The following ROBO1 variants were observed in gnomAD, a reference collection of about 807,000 sequenced individuals.
ROBO1 encodes roundabout guidance receptor 1.
In ROBO1, 149 loss-of-function variants were observed where a neutral mutation model predicts 195.9. The ratio of observed to expected loss-of-function variants is 0.76; its 90% CI spans 0.67 to 0.87. ROBO1 has a LOEUF of 0.87. Among genes scored for constraint, ROBO1 ranks in the 40% least tolerant of loss-of-function variants. The pLI, the probability that ROBO1 is intolerant of heterozygous loss-of-function variation, is 0.00. For missense variants in ROBO1, 1,933 were observed against 2,068.3 expected, an observed-to-expected ratio of 0.93 and a Z score of 1.27; for synonymous variants, 816 against 733.2, an observed-to-expected ratio of 1.11 and a Z score of -1.82.
At chr3:79,469,067 ACAGCT>A (rs1938125843) in intron 2 of ROBO1, among the ~76,000 whole-genome samples, 1 of 152,194 alleles carries the variant, frequency 6.6e-6, no homozygotes, top group African/African-American at 2.4e-5. Flanking sequence ...GGAAGGTAAA[ACAGCT>A]CAGTGAATGT....
At chr3:79,375,763 G>C (rs2036360811) in intron 2 of ROBO1, among the ~76,000 whole-genome samples, 1 of 152,214 alleles carries the variant, frequency 6.6e-6, no homozygotes, top group Non-Finnish European at 1.5e-5. Flanking sequence ...ATTTTGAAGA[G>C]TAGGAAACAA....
In ROBO1 at chr3:79,320,059, G is replaced by C. The variant is rs555374462; in HGVS notation, c.89-194520C>G. Reference sequence around the variant, plus strand: ...ATATGTAATGTCTTAATCAGTTTAGGCATCTATAACAAAGTACCATAGACC... The same window carrying C: ...ATATGTAATGTCTTAATCAGTTTAGCCATCTATAACAAAGTACCATAGACC... On this transcript the variant is annotated intron_variant, in intron 2 of 30. Transcript: ENST00000464233. Among the ~76,000 whole-genome samples the C allele has an allele frequency of 1.4e-4, 21 of 152,234 alleles. No individual in the cohort carries two copies. In the South Asian group the frequency reaches 3.9e-3, roughly 29 times the overall value.
chr3:78,964,090 C>A (rs990526197), intron 3 of ROBO1, among the ~76,000 whole-genome samples: 3 of 152,096 alleles, frequency 2.0e-5, no homozygotes, highest in Non-Finnish European at 4.4e-5. Flanking sequence ...AGTTCCCCGG[C>A]GGCTGCTGCA....
intron 2 of ROBO1, among the ~76,000 whole-genome samples, chr3:79,168,136 T>C (rs2081100703): frequency 1.3e-5 from 2 of 152,160 alleles, no homozygotes; most frequent in Non-Finnish European, 2.9e-5. Context: ...ACAGTATTCT[T>C]TAGATTTGCT....
chr3:79,228,397 T>C (rs2082264012), intron 2 of ROBO1, among the ~76,000 whole-genome samples: 1 of 152,164 alleles, frequency 6.6e-6, no homozygotes, highest in Non-Finnish European at 1.5e-5. Flanking sequence ...TTGTGATTAA[T>C]GTAAATGTGA....
intron 1 of ROBO1, among the ~76,000 whole-genome samples, chr3:79,742,021 G>A (rs1307322668): frequency 6.6e-6 from 1 of 152,136 alleles, no homozygotes; most frequent in Non-Finnish European, 1.5e-5. Flanking sequence ...AACAGCATAT[G>A]GTCATATGTG....
chr3:79,237,840 T>C (rs968773572), intron 2 of ROBO1, among the ~76,000 whole-genome samples: 3 of 152,188 alleles, frequency 2.0e-5, no homozygotes, highest in African/African-American at 7.2e-5. Flanking sequence ...TCAGTCATGG[T>C]CACACCATGA....
chr3:79,398,088 T>C (rs2037219629), intron 2 of ROBO1, among the ~76,000 whole-genome samples: 1 of 152,174 alleles, frequency 6.6e-6, no homozygotes, highest in African/African-American at 2.4e-5. Flanking sequence ...AAAACAAGAT[T>C]TTTAAAACTT....
intron 4 of ROBO1, among the ~76,000 whole-genome samples, chr3:78,849,484 C>T (rs927943674): frequency 6.6e-6 from 1 of 152,016 alleles, no homozygotes; most frequent in African/African-American, 2.4e-5. Context: ...TACTTATCAC[C>T]CCTTTGGGAG....
At chr3:79,679,381 T>G (rs1946877956) in intron 1 of ROBO1, among the ~76,000 whole-genome samples, 1 of 151,992 alleles carries the variant, frequency 6.6e-6, no homozygotes, top group African/African-American at 2.4e-5. Context: ...TAATTGACAT[T>G]TAGGTTATTT....
intron 15 of ROBO1, among the ~76,000 whole-genome samples, chr3:78,661,681 T>C (rs77551081): frequency 6.6e-6 from 1 of 152,248 alleles, no homozygotes; most frequent in Non-Finnish European, 1.5e-5. Context: ...TTAATACTAC[T>C]TGGAAATATT....
chr3:79,604,243 A>G (rs1369938817), intron 1 of ROBO1, among the ~76,000 whole-genome samples: 1 of 152,030 alleles, frequency 6.6e-6, no homozygotes, highest in Non-Finnish European at 1.5e-5. Context: ...AAAACAAAAA[A>G]AAGTAGCTAT....
At chr3:78,895,071 T>C (rs2037151197) in intron 4 of ROBO1, among the ~76,000 whole-genome samples, 1 of 152,188 alleles carries the variant, frequency 6.6e-6, no homozygotes, top group African/African-American at 2.4e-5. Flanking sequence ...GAGCCCAACA[T>C]GCATTTGACA....
intron 1 of ROBO1, among the ~76,000 whole-genome samples, chr3:79,623,877 C>T (rs1560047834): frequency 6.6e-6 from 1 of 152,032 alleles, no homozygotes; most frequent in Non-Finnish European, 1.5e-5. Context: ...AGAAGATCAA[C>T]CCCAAGACGC....
chr3:79,006,238 A>G (rs918060915), intron 3 of ROBO1, among the ~76,000 whole-genome samples: 2 of 147,864 alleles, frequency 1.4e-5, no homozygotes, highest in African/African-American at 4.9e-5. Context: ...CTCAACAAAT[A>G]CAATTTGTAA....
At chr3:79,271,037 G>A (rs994047726) in intron 2 of ROBO1, among the ~76,000 whole-genome samples, 2 of 151,796 alleles carry the variant, frequency 1.3e-5, no homozygotes, top group Non-Finnish European at 2.9e-5. Context: ...TGGAGCTGTA[G>A]ATTCAGAAGA....
intron 4 of ROBO1, among the ~76,000 whole-genome samples, chr3:78,889,370 T>G (rs76039000): frequency 1.2e-3 from 178 of 152,310 alleles, no homozygotes; most frequent in African/African-American, 4.2e-3. Flanking sequence ...ATTTGCAAGT[T>G]TACTGTACAC....
chr3:79,165,047 G>T (rs1314272159), intron 2 of ROBO1, among the ~76,000 whole-genome samples: 7 of 151,854 alleles, frequency 4.6e-5, no homozygotes. Context: ...TATACTTATT[G>T]TTTATGTTAC....
chr3:79,108,799 G>T (rs2079832216), intron 3 of ROBO1, among the ~76,000 whole-genome samples: 1 of 151,732 alleles, frequency 6.6e-6, no homozygotes, highest in African/African-American at 2.4e-5. Context: ...TGGTAATTTG[G>T]CTCAGTACAG....
Sources: allele counts gnomAD v4.1 joint callset (sites outside exome capture counted in the v4.1 genomes callset), GRCh38; gene constraint gnomAD v4.1.1; transcripts MANE v1.5; gene names NCBI Gene and HGNC (gene_info 2026-07-23, HGNC 2026-07-21).